DLG1: variants seen among roughly 807,000 people sequenced by gnomAD.
DLG1 encodes the protein discs large MAGUK scaffold protein 1.
Under a neutral mutation model 123.4 loss-of-function variants are expected in DLG1, and 42 were observed. The observed-to-expected ratio is 0.34, with a 90% confidence interval of 0.27 to 0.44. DLG1 has a LOEUF of 0.44. Ranked by LOEUF, DLG1 falls within the 20% of genes least tolerant of loss-of-function variation. DLG1 has a pLI of 1.00. For missense variants in DLG1, 942 were observed against 1,082.6 expected (o/e 0.87, Z 1.82); for synonymous variants, 317 against 356.2 (o/e 0.89, Z 1.24).
chr3:197,289,568 C>T (rs760308734), intron 3 of DLG1, among the ~76,000 whole-genome samples: 13 of 152,096 alleles, frequency 8.5e-5, no homozygotes, highest in Non-Finnish European at 1.5e-4. Context: ...TATAACCCTA[C>T]CATTTCAGAG....
Position 197,126,467 on chromosome 3 carries a change from T to TA in DLG1, c.1165+4059dup, listed in dbSNP as rs199610067. ...GGGCAACAAGAGCGAAACTCCATCT[T>TA]AAAAAAAAAAAACAACATAATCATA... is the stretch of plus-strand genomic sequence containing the variant. On this transcript the variant is annotated intron_variant, in intron 11 of 24. Coordinates refer to ENST00000667157, the MANE Select transcript of DLG1 (RefSeq NM_001366207.1). 0.012 allele frequency among the ~76,000 whole-genome samples: 1,716 copies of TA among 142,158 alleles called. 6 individuals carry two copies. Among genetic ancestry groups the TA allele is most frequent in the Non-Finnish European group, 0.014 (914 of 64,490 alleles). The allele number at this position is 142,158 out of a possible 152,430, so 93.3% of individuals were successfully genotyped here.
chr3:197,099,708 T>C (rs1378924714), intron 14 of DLG1, among the ~76,000 whole-genome samples: 1 of 152,214 alleles, frequency 6.6e-6, no homozygotes, highest in Admixed American at 6.5e-5. Flanking sequence ...CTCAATCTCT[T>C]CTTAACATGC....
At chr3:197,089,397 T>C (rs1329336889) in intron 15 of DLG1, among the ~76,000 whole-genome samples, 1 of 151,842 alleles carries the variant, frequency 6.6e-6, no homozygotes, top group Non-Finnish European at 1.5e-5. Context: ...CATGGTGGCA[T>C]GTGCCTACAG....
intron 14 of DLG1, among the ~76,000 whole-genome samples, chr3:197,095,415 G>A (rs919409492): frequency 3.9e-5 from 6 of 151,918 alleles, no homozygotes; most frequent in African/African-American, 7.3e-5. Flanking sequence ...GCAGTTTCTC[G>A]GTGTTTCCTT....
chr3:197,059,348 T>C (rs1427287048), intron 23 of DLG1, among the ~76,000 whole-genome samples: 1 of 152,226 alleles, frequency 6.6e-6, no homozygotes, highest in East Asian at 1.9e-4. Context: ...AACCTTCCCA[T>C]AGCCTAATTT....
At chr3:197,201,176 G>T in intron 4 of DLG1, among the ~76,000 whole-genome samples, 1 of 152,192 alleles carries the variant, frequency 6.6e-6, no homozygotes, top group Non-Finnish European at 1.5e-5. Flanking sequence ...GAGGTCAGGA[G>T]ATCGAGACCA....
intron 24 of DLG1, among the ~76,000 whole-genome samples, chr3:197,049,431 C>T (rs1725693067): frequency 6.6e-6 from 1 of 152,186 alleles, no homozygotes; most frequent in Non-Finnish European, 1.5e-5. Flanking sequence ...CAACAATAGC[C>T]CAGATATGAA....
chr3:197,046,667 TG>T (rs1221072697), intron 24 of DLG1, among the ~76,000 whole-genome samples: 2 of 152,102 alleles, frequency 1.3e-5, no homozygotes, highest in Non-Finnish European at 2.9e-5. Flanking sequence ...TGGATGAGTT[TG>T]AGACCAGCCT....
At chr3:197,122,207 G>A (rs1579695052) in intron 11 of DLG1, among the ~76,000 whole-genome samples, 1 of 151,858 alleles carries the variant, frequency 6.6e-6, no homozygotes, top group African/African-American at 2.4e-5. Context: ...AATTTATCAC[G>A]TTAACAAAAT....
intron 4 of DLG1, among the ~76,000 whole-genome samples, chr3:197,201,531 C>T (rs1438975077): frequency 6.6e-6 from 1 of 152,180 alleles, no homozygotes; most frequent in African/African-American, 2.4e-5. Context: ...TCTGGCCAAA[C>T]ACCCAATCAA....
chr3:197,256,238 C>T (rs973743191), intron 4 of DLG1, among the ~76,000 whole-genome samples: 8 of 152,232 alleles, frequency 5.3e-5, no homozygotes, highest in Admixed American at 2.0e-4. Flanking sequence ...TAAGTATTTT[C>T]AGCTTTGCAG....
chr3:197,092,806 T>C (rs1758480845), intron 14 of DLG1, among the ~76,000 whole-genome samples: 1 of 152,210 alleles, frequency 6.6e-6, no homozygotes. Context: ...CCTGGCCAAT[T>C]ACCATTTTAA....
At chr3:197,057,819 T>C (rs1732844632) in intron 23 of DLG1, among the ~76,000 whole-genome samples, 1 of 152,174 alleles carries the variant, frequency 6.6e-6, no homozygotes, top group Non-Finnish European at 1.5e-5. Context: ...CACATTGATA[T>C]GCCTTCTTTC....
intron 23 of DLG1, among the ~76,000 whole-genome samples, chr3:197,054,499 T>C (rs1174027321): frequency 1.3e-5 from 2 of 152,250 alleles, no homozygotes; most frequent in Non-Finnish European, 2.9e-5. Flanking sequence ...GATTCTTTCT[T>C]CTGTCTGCTC....
intron 5 of DLG1, among the ~76,000 whole-genome samples, chr3:197,186,748 A>G (rs148588148): frequency 1.7e-4 from 26 of 152,308 alleles, no homozygotes; most frequent in African/African-American, 6.3e-4. Flanking sequence ...ATAATCTTTT[A>G]TTTGTTTGTT....
At position 197,076,754 on chromosome 3, in the gene DLG1, C is replaced by G. The variant is rs910128554; in HGVS notation, c.1906-69G>C. 2.2e-5 allele frequency: 27 copies of G among 1,201,022 alleles called. No homozygotes were observed. In the South Asian group the frequency reaches 2.9e-4, roughly 13 times the overall value. The allele number at this position is 1,201,022 out of a possible 1,614,324, so 74.4% of individuals were successfully genotyped here. A position where few individuals can be genotyped will look rare whatever the true frequency, so the allele number is the denominator to read the frequency against. On this transcript the variant is annotated intron_variant, in intron 17 of 24. Coordinates refer to ENST00000667157, the MANE Select transcript of DLG1 (RefSeq NM_001366207.1). ...CTGTGTGTACAAAGGCCCAGCCTAG[C>G]AGCTCTGTGGAAGCTGACTCCTATG...
At chr3:197,140,688 T>C (rs889963544) in intron 7 of DLG1, among the ~76,000 whole-genome samples, 3 of 152,168 alleles carry the variant, frequency 2.0e-5, no homozygotes, top group East Asian at 3.8e-4. Flanking sequence ...GCAAAACCCA[T>C]ATACTGTTTT....
At chr3:197,052,666 A>G (rs376655585) in intron 23 of DLG1, among the ~76,000 whole-genome samples, 2 of 152,302 alleles carry the variant, frequency 1.3e-5, no homozygotes, top group East Asian at 3.9e-4. Context: ...TCTACCTATC[A>G]GTTTACAGAA....
intron 17 of DLG1, 94 bp downstream of exon 17, chr3:197,080,957 C>G (rs1365194677): frequency 8.4e-7 from 1 of 1,186,084 alleles, no homozygotes; most frequent in Non-Finnish European, 1.2e-6. Context: ...ATGGCAAGAA[C>G]TGATCATGAA....
Sources: allele counts gnomAD v4.1 joint callset (sites outside exome capture counted in the v4.1 genomes callset), GRCh38; gene constraint gnomAD v4.1.1; transcripts MANE v1.5; gene names NCBI Gene and HGNC (gene_info 2026-07-23, HGNC 2026-07-21).